Variants in SHANK2 observed in about 807,000 individuals in gnomAD.
The protein encoded by SHANK2 is SH3 and multiple ankyrin repeat domains protein 2.
Under a neutral mutation model 133.7 loss-of-function variants are expected in SHANK2, and 43 were observed. The ratio of observed to expected loss-of-function variants is 0.32; its 90% CI spans 0.25 to 0.41. The LOEUF is 0.41. Ranked by LOEUF, SHANK2 falls within the 10% of genes least tolerant of loss-of-function variation. SHANK2 has a pLI of 1.00. For missense variants in SHANK2, 1,994 were observed against 2,235.8 expected (o/e 0.89, Z 2.18); for synonymous variants, 1,017 against 952.8 (o/e 1.07, Z -1.24).
chr11:70,842,574 G>T (rs1262620548), intron 11 of SHANK2, among the ~76,000 whole-genome samples: 1 of 152,210 alleles, frequency 6.6e-6, no homozygotes, highest in Admixed American at 6.5e-5. Context: ...GCACAGGGAG[G>T]GGTCAGCAGC....
intron 9 of SHANK2, among the ~76,000 whole-genome samples, chr11:71,073,916 A>G (rs1306100907): frequency 6.6e-6 from 1 of 152,146 alleles, no homozygotes; most frequent in Non-Finnish European, 1.5e-5. Context: ...GACGGGGTAG[A>G]TGGCTGACTC....
At position 71,194,078 on chromosome 11, in the gene SHANK2, T is replaced by C. The variant is rs73537501; in HGVS notation, c.-13+30619A>G. On this transcript the variant is annotated intron_variant, in intron 2 of 25. Transcript: ENST00000601538. ...AGAGCAAGATCGTTCCCATTTTCCA[T>C]GGAAATCAAGGCAGAGAGAGATCCC... Among the ~76,000 whole-genome samples, 445 of 152,196 alleles carry C rather than the reference T, an allele frequency of 2.9e-3. 2 individuals are homozygous for C. Among genetic ancestry groups the C allele is most frequent in the African/African-American group, 0.01 (420 of 41,516 alleles).
intron 11 of SHANK2, among the ~76,000 whole-genome samples, chr11:70,843,833 C>T (rs116665447): frequency 0.012 from 1,770 of 152,286 alleles, 30 homozygotes; most frequent in African/African-American, 0.041. Context: ...ACTGCTCCAG[C>T]CCTCCCAATT....
Position 70,472,366 on chromosome 11 carries a change from A to C in SHANK2, c.*503T>G, listed in dbSNP as rs188012252. The C allele has an allele frequency of 1.0e-3, 181 of 172,758 alleles. No individual in the cohort carries two copies. Among genetic ancestry groups the C allele is most frequent in the Admixed American group, 3.0e-3 (54 of 18,042 alleles). The allele number at this position is 172,758 out of a possible 1,614,324, so 10.7% of individuals were successfully genotyped here. On this transcript the variant is annotated 3_prime_UTR_variant, in exon 26 of 26. Coordinates refer to ENST00000601538, the MANE Select transcript of SHANK2 (RefSeq NM_012309.5). This position sits in a 1 kb window ranked among gnomAD's most constrained non-coding sequence, Gnocchi z 4.4. ...TCTGGGAGCATCTCACTGCAAGCCA[A>C]GTGCAGGAGAAAGAGGGGCAGGTGA... is the stretch of plus-strand genomic sequence containing the variant.
chr11:71,244,753 A>C (rs1954939526), intron 1 of SHANK2, among the ~76,000 whole-genome samples: 1 of 152,072 alleles, frequency 6.6e-6, no homozygotes, highest in Non-Finnish European at 1.5e-5. Flanking sequence ...CCCAGGCTAG[A>C]GTGCAGTGGG....
chr11:70,518,286 G>A (rs1273404834), intron 17 of SHANK2, among the ~76,000 whole-genome samples: 2 of 152,182 alleles, frequency 1.3e-5, no homozygotes, highest in South Asian at 2.1e-4. Flanking sequence ...AGGATTGCTC[G>A]AGCCTGGGAG....
intron 11 of SHANK2, among the ~76,000 whole-genome samples, chr11:70,840,093 C>T (rs782634228): frequency 1.5e-4 from 23 of 152,210 alleles, no homozygotes; most frequent in Admixed American, 6.5e-4. Flanking sequence ...CACATGGTGA[C>T]GGCGTACAGT....
At chr11:71,104,859 G>A (rs1392522593) in intron 6 of SHANK2, among the ~76,000 whole-genome samples, 4 of 152,230 alleles carry the variant, frequency 2.6e-5, no homozygotes, top group Non-Finnish European at 5.9e-5. Context: ...GGCCATCTGC[G>A]CTGTCTGCAG....
At chr11:71,090,782 T>A (rs2135101936) in intron 8 of SHANK2, among the ~76,000 whole-genome samples, 1 of 152,294 alleles carries the variant, frequency 6.6e-6, no homozygotes, top group Non-Finnish European at 1.5e-5. Flanking sequence ...GCTCATGCAA[T>A]CACGGAGGCT....
rs782306069 is a variant in SHANK2 at position 70,470,495 on chromosome 11, T to TAATA, written c.*2370_*2373dup. The TAATA allele has an allele frequency of 1.3e-4, 20 of 152,646 alleles. No homozygotes were observed. The highest frequency in any genetic ancestry group is 3.9e-4 in the Admixed American group (6 of 15,290). The allele number at this position is 152,646 out of a possible 1,614,324, so 9.5% of individuals were successfully genotyped here. A position where few individuals can be genotyped will look rare whatever the true frequency, so the allele number is the denominator to read the frequency against. On this transcript the variant is annotated 3_prime_UTR_variant, in exon 26 of 26. Transcript: ENST00000601538. Reference sequence around the variant, plus strand: ...TTTTGCCTGGCACTGAGCACAGAGGTAATACCAACTGTAGGCCCAGGGAAA... The same window carrying TAATA: ...TTTTGCCTGGCACTGAGCACAGAGGTAATAAATACCAACTGTAGGCCCAGGGAAA...
At chr11:70,522,060 C>T (rs2059337306) in intron 17 of SHANK2, among the ~76,000 whole-genome samples, 1 of 152,234 alleles carries the variant, frequency 6.6e-6, no homozygotes, top group African/African-American at 2.4e-5. Flanking sequence ...TACCCATCAG[C>T]CCTTAGCCCA....
intron 2 of SHANK2, among the ~76,000 whole-genome samples, chr11:71,191,672 G>A (rs1367138657): frequency 2.6e-5 from 4 of 151,996 alleles, no homozygotes; most frequent in Admixed American, 6.6e-5. Flanking sequence ...GGATTCTCCT[G>A]CCTTAGCCTC....
Position 70,657,440 on chromosome 11 carries a change from C to T in SHANK2, c.2061+2388G>A, listed in dbSNP as rs138624642. On this transcript the variant is annotated intron_variant, in intron 17 of 25. Transcript: ENST00000601538. The stretch of plus-strand genomic sequence containing the variant: ...GATTTTAATATTCCGGTGGCAAAAT[C>T]CAGTCGCTAGGAACACAACTCAATG... Among the ~76,000 whole-genome samples, 8 of 152,316 alleles carry T rather than the reference C, an allele frequency of 5.3e-5. No individual in the cohort carries two copies. The East Asian group carries it at 1.5e-3, about 29-fold the overall frequency.
chr11:70,646,066 C>T (rs1447855498), intron 17 of SHANK2: 1 of 152,206 alleles, frequency 6.6e-6, no homozygotes, highest in African/African-American at 2.4e-5. Flanking sequence ...ATTATTGAAA[C>T]AGTCCTTGTT....
intron 17 of SHANK2, among the ~76,000 whole-genome samples, chr11:70,511,750 C>A (rs896102092): frequency 6.6e-6 from 1 of 152,228 alleles, no homozygotes; most frequent in South Asian, 2.1e-4. Flanking sequence ...TGAATCACAG[C>A]CACATCCAGG....
intron 10 of SHANK2, among the ~76,000 whole-genome samples, chr11:70,932,174 C>T (rs781861245): frequency 1.3e-5 from 2 of 152,220 alleles, no homozygotes; most frequent in Non-Finnish European, 2.9e-5. Context: ...TTGCTTCTGC[C>T]TTAGCCATGG....
intron 15 of SHANK2, among the ~76,000 whole-genome samples, chr11:70,662,713 CA>C (rs1270933323): frequency 5.9e-5 from 9 of 151,634 alleles, no homozygotes; most frequent in Non-Finnish European, 1.2e-4. Context: ...GGAAAGAAAC[CA>C]AAAAAGCTCC....
At chr11:71,140,652 C>T (rs1555105605) in intron 3 of SHANK2, among the ~76,000 whole-genome samples, 1 of 152,208 alleles carries the variant, frequency 6.6e-6, no homozygotes, top group East Asian at 1.9e-4. Flanking sequence ...AGTAATGGGC[C>T]CCTTGTGGCT....
At chr11:70,953,091 G>A (rs141240096) in intron 10 of SHANK2, among the ~76,000 whole-genome samples, 2,654 of 152,086 alleles carry the variant, frequency 0.017, 27 homozygotes, top group Middle Eastern at 0.054. Flanking sequence ...TGGTGATTAC[G>A]CTGGCTTACC....
Sources: allele counts gnomAD v4.1 joint callset (sites outside exome capture counted in the v4.1 genomes callset), GRCh38; gene constraint gnomAD v4.1.1; non-coding constraint Gnocchi (gnomAD v3.1); transcripts MANE v1.5; gene names NCBI Gene and HGNC (gene_info 2026-07-23, HGNC 2026-07-21).